The following ZMYM4 variants were observed in gnomAD, a reference collection of about 807,000 sequenced individuals.
The protein encoded by ZMYM4 is zinc finger MYM-type containing 4.
In ZMYM4, 31 loss-of-function variants were observed where a neutral mutation model predicts 183.2. The observed-to-expected ratio is 0.17, with a 90% CI of 0.13 to 0.23. ZMYM4 has a LOEUF of 0.23. ZMYM4 is among the 10% of genes least tolerant of loss of function. ZMYM4 has a pLI of 1.00. For synonymous variants in ZMYM4, 592 were observed against 631.2 expected (o/e 0.94, Z 0.93); for missense variants, 1,273 against 1,840.3 (o/e 0.69, Z 5.64).
At chr1:35,288,949 T>C (rs778719087) in intron 1 of ZMYM4, among the ~76,000 whole-genome samples, 6 of 152,190 alleles carry the variant, frequency 3.9e-5, no homozygotes, top group Non-Finnish European at 7.3e-5. Flanking sequence ...AGACCATTAG[T>C]ACAGAAGAGA....
chr1:35,380,592 T>C (rs1245753106), intron 7 of ZMYM4, among the ~76,000 whole-genome samples: 1 of 152,078 alleles, frequency 6.6e-6, no homozygotes, highest in African/African-American at 2.4e-5. Context: ...TCCCAAAGCG[T>C]TGGGATTACA....
chr1:35,353,099 G>A (rs1302291882), intron 2 of ZMYM4, among the ~76,000 whole-genome samples: 1 of 152,154 alleles, frequency 6.6e-6, no homozygotes. Flanking sequence ...ACCCTGTTGT[G>A]TTATTCTTGA....
chr1:35,419,491 G>C lies in ZMYM4; in HGVS notation c.4461G>C (p.Arg1487Ser). The change falls in exon 30 of 30, where the codon AGG (arginine) becomes AGC (serine). Residue 1487 changes from arginine to serine, a missense_variant. By Grantham distance (110) the Arg-to-Ser change is moderately radical (BLOSUM62 -1). Around this residue, in one of 6 missense-constraint regions of ZMYM4, gnomAD observed 145 missense variants for 331.6 expected, o/e 0.44. Coordinates refer to ENST00000314607, the MANE Select transcript of ZMYM4 (RefSeq NM_005095.3). ...LSKCSESVKQ[R>S]NDVFYLQPER... ...ATAGTTCTGAAAGTGTGAAGCAAAG[G>C]AATGATGTGTTTTACCTTCAACCTG... is the stretch of plus-strand genomic sequence containing the variant. 5.6e-6 allele frequency: 9 copies of C among 1,613,540 alleles called. No homozygotes were observed. The highest frequency in any genetic ancestry group is 7.6e-6 in the Non-Finnish European group (9 of 1,179,908).
At chr1:35,408,997 T>C (rs907895594) in intron 26 of ZMYM4, among the ~76,000 whole-genome samples, 1 of 152,210 alleles carries the variant, frequency 6.6e-6, no homozygotes, top group African/African-American at 2.4e-5. Flanking sequence ...TGGACTTGCC[T>C]ATTCTGGATA....
chr1:35,384,624 G>A (rs1026381295), intron 9 of ZMYM4, among the ~76,000 whole-genome samples: 2 of 151,954 alleles, frequency 1.3e-5, no homozygotes, highest in Non-Finnish European at 2.9e-5. Context: ...ATTAGTGGTA[G>A]AATATTTGCC....
At chr1:35,298,703 C>T (rs766755106) in intron 1 of ZMYM4, among the ~76,000 whole-genome samples, 60 of 152,204 alleles carry the variant, frequency 3.9e-4, no homozygotes, top group Non-Finnish European at 7.2e-4. Flanking sequence ...GAAGCCCCTT[C>T]CTTCTAGAGT....
intron 1 of ZMYM4, among the ~76,000 whole-genome samples, chr1:35,297,965 AATTAACTCT>A (rs1319148178): frequency 6.6e-6 from 1 of 152,232 alleles, no homozygotes; most frequent in Admixed American, 6.5e-5. Flanking sequence ...ATTAATGGGG[AATTAACTCT>A]AAGGCTTAAA....
In ZMYM4 at chr1:35,288,843, C is replaced by T. The variant is rs191096262; in HGVS notation, c.39+19758C>T. 3.6e-4 allele frequency among the ~76,000 whole-genome samples: 55 copies of T among 152,198 alleles called. 1 individual carries two copies. The highest frequency in any genetic ancestry group is 3.4e-3 in the Middle Eastern group (1 of 294). ...TTATTTCATGACCTATAATTTGTGT[C>T]CTGGCTGACTAACATTGGGAATATC... On this transcript the variant is annotated intron_variant, in intron 1 of 29. Coordinates refer to ENST00000314607, the MANE Select transcript of ZMYM4 (RefSeq NM_005095.3).
intron 2 of ZMYM4, among the ~76,000 whole-genome samples, chr1:35,332,845 C>T (rs944583818): frequency 8.6e-5 from 13 of 152,036 alleles, no homozygotes; most frequent in Non-Finnish European, 1.8e-4. Context: ...TAGGCCTGCA[C>T]CTCTGCACTT....
At chr1:35,317,512 A>G (rs866824947) in intron 1 of ZMYM4, among the ~76,000 whole-genome samples, 3 of 152,348 alleles carry the variant, frequency 2.0e-5, no homozygotes, top group South Asian at 4.1e-4. Flanking sequence ...AATGTAGTCA[A>G]TTTGGCTAGC....
intron 18 of ZMYM4, among the ~76,000 whole-genome samples, chr1:35,394,778 A>G (rs1245556276): frequency 2.0e-5 from 3 of 152,144 alleles, no homozygotes; most frequent in Admixed American, 1.3e-4. Flanking sequence ...TTGTTTCACT[A>G]AGGAATAGAT....
chr1:35,269,884 A>G (rs1377933795), intron 1 of ZMYM4, among the ~76,000 whole-genome samples: 1 of 152,212 alleles, frequency 6.6e-6, no homozygotes, highest in Non-Finnish European at 1.5e-5. Context: ...ATTGAGCAAT[A>G]TCCCTCACTT....
chr1:35,366,193 C>T (rs1232925514), intron 5 of ZMYM4: 1 of 152,114 alleles, frequency 6.6e-6, no homozygotes, highest in African/African-American at 2.4e-5. Context: ...ATCAGCAGGT[C>T]AAATAAGGGT....
intron 7 of ZMYM4, 59 bp from the exon 8 acceptor site, chr1:35,381,200 C>T (rs1644450412): frequency 5.1e-6 from 7 of 1,374,400 alleles, no homozygotes; most frequent in Non-Finnish European, 6.9e-6. Flanking sequence ...TTTTAGCTCA[C>T]AGAAAGGAAA....
intron 1 of ZMYM4, among the ~76,000 whole-genome samples, chr1:35,284,899 C>A (rs1201781707): frequency 1.2e-4 from 18 of 152,106 alleles, no homozygotes; most frequent in Admixed American, 1.2e-3. Context: ...CTTTTAAAGT[C>A]CCCCTCTCCA....
chr1:35,280,898 G>T (rs148882471), intron 1 of ZMYM4, among the ~76,000 whole-genome samples: 1 of 152,194 alleles, frequency 6.6e-6, no homozygotes, highest in Non-Finnish European at 1.5e-5. Flanking sequence ...GAGGATCTGG[G>T]TGGACATATC....
chr1:35,404,910 TA>T, intron 23 of ZMYM4, 112 bp from the exon 24 acceptor site: 2 of 1,084,068 alleles, frequency 1.8e-6, no homozygotes, highest in Non-Finnish European at 2.6e-6. Flanking sequence ...CTTTAGGATA[TA>T]AAACTAAATT....
intron 2 of ZMYM4, among the ~76,000 whole-genome samples, chr1:35,334,481 C>G (rs923501147): frequency 2.0e-5 from 3 of 152,084 alleles, no homozygotes; most frequent in Non-Finnish European, 4.4e-5. Flanking sequence ...TTCTCAACTC[C>G]TGTAGAATTT....
chr1:35,415,856 A>T (rs1640093242), intron 28 of ZMYM4, 142 bp downstream of exon 28: 1 of 1,198,576 alleles, frequency 8.3e-7, no homozygotes, highest in South Asian at 1.6e-5. Flanking sequence ...CTATTGTCAG[A>T]GAGTGGTCAA....
Sources: gnomAD v4.1 joint callset for allele counts (sites outside exome capture counted in the v4.1 genomes callset) on GRCh38, gnomAD v4.1.1 for gene constraint, gnomAD v4.1.1 regional missense constraint, MANE v1.5 for transcripts, NCBI Gene and HGNC (gene_info 2026-07-23, HGNC 2026-07-21) for gene names.